NRG3: variants seen among roughly 807,000 people sequenced by gnomAD.
The protein encoded by NRG3 is pro-neuregulin-3, membrane-bound isoform.
In NRG3, 31 loss-of-function variants were observed where a neutral mutation model predicts 66.9. That is an observed-to-expected ratio of 0.46 (90% CI 0.35 to 0.63). The LOEUF (loss-of-function observed/expected upper bound fraction) is 0.63. Among genes scored for constraint, NRG3 ranks in the 20% least tolerant of loss-of-function variants. NRG3 has a pLI of 0.00. For missense variants in NRG3, 910 were observed against 878.9 expected, an observed-to-expected ratio of 1.04 and a Z score of -0.45; for synonymous variants, 393 against 359.4, an observed-to-expected ratio of 1.09 and a Z score of -1.06.
chr10:82,567,396 G>C (rs554860632), intron 2 of NRG3, among the ~76,000 whole-genome samples: 74 of 151,982 alleles, frequency 4.9e-4, no homozygotes, highest in South Asian at 1.0e-3. Flanking sequence ...GCCTGGAAAA[G>C]AGTGTTTAAA....
chr10:82,235,244 A>G (rs1463996727), intron 1 of NRG3, among the ~76,000 whole-genome samples: 1 of 152,202 alleles, frequency 6.6e-6, no homozygotes, highest in African/African-American at 2.4e-5. Context: ...TCCTGCAAAA[A>G]TATTAGTACT....
chr10:82,185,779 C>T (rs1161021281), intron 1 of NRG3, among the ~76,000 whole-genome samples: 1 of 152,116 alleles, frequency 6.6e-6, no homozygotes, highest in African/African-American at 2.4e-5. Context: ...TTCAGAAATG[C>T]TCCAGGACTG....
At chr10:82,499,266 A>C (rs1180111207) in intron 2 of NRG3, among the ~76,000 whole-genome samples, 1 of 152,184 alleles carries the variant, frequency 6.6e-6, no homozygotes, top group Non-Finnish European at 1.5e-5. Context: ...AAACAGTTAA[A>C]AAGAGACTTG....
intron 1 of NRG3, among the ~76,000 whole-genome samples, chr10:81,879,214 G>A (rs184206124): frequency 1.3e-5 from 2 of 152,148 alleles, no homozygotes; most frequent in African/African-American, 4.8e-5. Flanking sequence ...CTCTAAAAAC[G>A]AATGTCTTAA....
At chr10:82,872,604 G>A (rs961606882) in intron 4 of NRG3, among the ~76,000 whole-genome samples, 18 of 152,132 alleles carry the variant, frequency 1.2e-4, no homozygotes, top group African/African-American at 3.9e-4. Context: ...TGTATAAGAT[G>A]TTGGATATGC....
intron 2 of NRG3, among the ~76,000 whole-genome samples, chr10:82,426,958 C>A (rs1400040222): frequency 2.0e-5 from 3 of 151,936 alleles, no homozygotes; most frequent in Non-Finnish European, 2.9e-5. Flanking sequence ...GCCTGGAATT[C>A]TTTTCTTAAT....
At chr10:82,035,323 C>T (rs10509443) in intron 1 of NRG3, among the ~76,000 whole-genome samples, 105,782 of 151,944 alleles carry the variant, frequency 0.7, 37,036 homozygotes, top group South Asian at 0.84. Flanking sequence ...TGGTCTGAAG[C>T]TGTAAGGTAG....
In NRG3 at chr10:82,783,157, C is replaced by T. The variant is rs568250735; in HGVS notation, c.1027+44507C>T. 2.6e-3 allele frequency among the ~76,000 whole-genome samples: 389 copies of T among 152,226 alleles called. 2 individuals carry two copies. The highest frequency in any genetic ancestry group is 4.1e-3 in the Non-Finnish European group (276 of 68,030). ...AAAGGCCTTTGACAAAATTCAACAACGCTTCATGCTAAAAACTCTCAATAA... is the reference window on the plus strand; with the variant it reads ...AAAGGCCTTTGACAAAATTCAACAATGCTTCATGCTAAAAACTCTCAATAA... On this transcript the variant is annotated intron_variant, in intron 3 of 8. Transcript: ENST00000372141.
At chr10:82,262,837 A>G (rs2078102903) in intron 1 of NRG3, among the ~76,000 whole-genome samples, 1 of 152,130 alleles carries the variant, frequency 6.6e-6, no homozygotes. Flanking sequence ...TGTATATGTA[A>G]ATAGAGGCTC....
At chr10:82,950,900 T>C (rs924234374) in intron 4 of NRG3, among the ~76,000 whole-genome samples, 9 of 152,376 alleles carry the variant, frequency 5.9e-5, no homozygotes, top group Middle Eastern at 3.4e-3. Flanking sequence ...TGAGTTCTAC[T>C]GTGCCAAATC....
At chr10:82,411,552 C>A (rs950701822) in intron 2 of NRG3, among the ~76,000 whole-genome samples, 2 of 152,100 alleles carry the variant, frequency 1.3e-5, no homozygotes, top group Non-Finnish European at 1.5e-5. Context: ...TTCCTCCACT[C>A]CTTAGTTGTT....
chr10:82,576,378 A>G (rs936001787), intron 2 of NRG3, among the ~76,000 whole-genome samples: 13 of 151,492 alleles, frequency 8.6e-5, no homozygotes, highest in Admixed American at 2.6e-4. Flanking sequence ...GTCTCAAAAA[A>G]AAATAATTCC....
chr10:82,359,723 TCTC>T (rs1352701962), intron 2 of NRG3, among the ~76,000 whole-genome samples: 2 of 152,108 alleles, frequency 1.3e-5, no homozygotes, highest in Non-Finnish European at 2.9e-5. Flanking sequence ...CCCCTTTTCT[TCTC>T]TTTATTTACT....
intron 2 of NRG3, 48 bp from the exon 3 acceptor site, chr10:82,738,529 T>G (rs1182197552): frequency 7.0e-7 from 1 of 1,437,986 alleles, no homozygotes; most frequent in Non-Finnish European, 9.8e-7. Flanking sequence ...AAATCTTAAG[T>G]CTTTCACAAC....
At position 82,228,263 on chromosome 10, in the gene NRG3, G is replaced by A. The variant is rs1351843626; in HGVS notation, c.824-130476G>A. Among the ~76,000 whole-genome samples the A allele has an allele frequency of 3.9e-5, 6 of 152,160 alleles. No homozygotes were observed. In the East Asian group the frequency reaches 1.2e-3, roughly 29 times the overall value. ...AGTATATATAAACATAAATTTATGTGGGTGTTGTAGAGTTGAATTCAAGTT... is the reference window on the plus strand; with the variant it reads ...AGTATATATAAACATAAATTTATGTAGGTGTTGTAGAGTTGAATTCAAGTT... On this transcript the variant is annotated intron_variant, in intron 1 of 8. Coordinates refer to ENST00000372141, the MANE Select transcript of NRG3 (RefSeq NM_001010848.4).
At chr10:82,763,903 A>G (rs140044095) in intron 3 of NRG3, among the ~76,000 whole-genome samples, 23 of 152,362 alleles carry the variant, frequency 1.5e-4, no homozygotes, top group African/African-American at 4.3e-4. Flanking sequence ...TTAGATGTTG[A>G]CATGATAATA....
At chr10:82,563,701 C>A (rs763713446) in intron 2 of NRG3, among the ~76,000 whole-genome samples, 1 of 151,862 alleles carries the variant, frequency 6.6e-6, no homozygotes, top group Non-Finnish European at 1.5e-5. Flanking sequence ...ACAAATCCAG[C>A]TAATTAATAT....
intron 3 of NRG3, among the ~76,000 whole-genome samples, chr10:82,837,164 C>G (rs2062824591): frequency 6.6e-6 from 1 of 152,114 alleles, no homozygotes; most frequent in African/African-American, 2.4e-5. Context: ...TGGCTTGGTT[C>G]CAAGTCTTTG....
At chr10:81,958,517 G>T (rs1007466681) in intron 1 of NRG3, among the ~76,000 whole-genome samples, 1 of 152,148 alleles carries the variant, frequency 6.6e-6, no homozygotes, top group African/African-American at 2.4e-5. Flanking sequence ...CACATAGATG[G>T]TATTGTGCCC....
Sources: allele counts gnomAD v4.1 joint callset (sites outside exome capture counted in the v4.1 genomes callset), GRCh38; gene constraint gnomAD v4.1.1; transcripts MANE v1.5; gene names NCBI Gene and HGNC (gene_info 2026-07-23, HGNC 2026-07-21).